HMCN1: variants seen among roughly 807,000 people sequenced by gnomAD.
HMCN1 encodes hemicentin 1, also known as hemicentin-1.
A neutral mutation model predicts 625.9 loss-of-function variants in HMCN1; 321 were observed. The ratio of observed to expected loss-of-function variants is 0.51; its 90% confidence interval spans 0.47 to 0.56. The LOEUF is 0.56. Among genes scored for constraint, HMCN1 ranks in the 20% least tolerant of loss-of-function variants. The pLI, the probability that HMCN1 is intolerant of heterozygous loss-of-function variation, is 0.00. For missense variants in HMCN1, 6,588 were observed against 6,887.3 expected (o/e 0.96, Z 1.54); for synonymous variants, 2,425 against 2,417.6 (o/e 1.00, Z -0.09).
chr1:185,737,599 C>T (rs892546770), intron 1 of HMCN1, among the ~76,000 whole-genome samples: 1 of 152,210 alleles, frequency 6.6e-6, no homozygotes, highest in Non-Finnish European at 1.5e-5. Context: ...CAGTTAATGA[C>T]TCTTTTACAT....
chr1:185,826,216 C>T (rs1227562794), intron 1 of HMCN1, among the ~76,000 whole-genome samples: 1 of 151,982 alleles, frequency 6.6e-6, no homozygotes, highest in African/African-American at 2.4e-5. Context: ...TGAGGATATT[C>T]GATTAAGACA....
rs759934341 is a variant in HMCN1 at position 186,187,888 on chromosome 1, G to A, written c.16420G>A (p.Asp5474Asn). 34 of 1,613,524 alleles carry A rather than the reference G, an allele frequency of 2.1e-5. No individual in the cohort carries two copies. Among genetic ancestry groups the A allele is most frequent in the African/African-American group, 2.7e-5 (2 of 74,842 alleles). Residue 5474 changes from aspartate (D) to asparagine (N), a missense_variant, in exon 106 of 107, where the codon GAT (aspartate) becomes AAT (asparagine). Coordinates refer to ENST00000271588, the MANE Select transcript of HMCN1 (RefSeq NM_031935.3). ...THNGKTCQDI[D>N]ECLEQNVHCG... ...GTTCCCTGTGCTGTCCCTAGATATC[G>A]ATGAATGTCTGGAGCAGAATGTGCA...
chr1:185,893,127 C>T (rs537252793), intron 4 of HMCN1, among the ~76,000 whole-genome samples: 2 of 152,390 alleles, frequency 1.3e-5, no homozygotes, highest in South Asian at 4.1e-4. Context: ...TCCCTGACCC[C>T]TTGCACTTCC....
Position 185,734,719 on chromosome 1 carries a change from G to A in HMCN1, c.-61G>A. 2.0e-6 allele frequency: 3 copies of A among 1,529,646 alleles called. No individual in the cohort carries two copies. The highest frequency in any genetic ancestry group is 2.7e-6 in the Non-Finnish European group (3 of 1,106,006). The allele number at this position is 1,529,646 out of a possible 1,614,324, so 94.8% of individuals were successfully genotyped here. On this transcript the variant is annotated 5_prime_UTR_variant, in exon 1 of 107. An upstream open reading frame in the 5' UTR loses its in-frame stop. Coordinates refer to ENST00000271588, the MANE Select transcript of HMCN1 (RefSeq NM_031935.3). ...GAGAGGAAACCCTCTGCCTGTTGTT[G>A]AGGAGGACTGAGCACAGTGCTTAGG...
chr1:185,838,769 C>T (rs938487592), intron 1 of HMCN1, among the ~76,000 whole-genome samples: 3 of 152,172 alleles, frequency 2.0e-5, no homozygotes, highest in African/African-American at 7.2e-5. Flanking sequence ...GTAAGACACA[C>T]CCAGATATTT....
At position 185,984,283 on chromosome 1, in the gene HMCN1, A is replaced by G; in HGVS notation, c.2905A>G (p.Asn969Asp). The G allele has an allele frequency of 6.2e-7, 1 of 1,614,102 alleles. No homozygotes were observed. Among genetic ancestry groups the G allele is most frequent in the Non-Finnish European group, 8.5e-7 (1 of 1,179,970 alleles). Residue 969 changes from asparagine to aspartate, a missense_variant, in exon 19 of 107, where the codon AAT (asparagine) becomes GAT (aspartate). By Grantham distance (23) the Asn-to-Asp change is conservative. Coordinates refer to ENST00000271588, the MANE Select transcript of HMCN1 (RefSeq NM_031935.3). ...TCVASNVAGT[N>D]NKTTSVVVHV... Reference sequence around the variant, plus strand: ...TGTGGCCAGTAACGTTGCTGGGACCAATAACAAAACTACCTCTGTGGTTGT... The same window carrying G: ...TGTGGCCAGTAACGTTGCTGGGACCGATAACAAAACTACCTCTGTGGTTGT...
intron 1 of HMCN1, among the ~76,000 whole-genome samples, chr1:185,750,490 G>A (rs1654728941): frequency 6.6e-6 from 1 of 152,102 alleles, no homozygotes; most frequent in South Asian, 2.1e-4. Context: ...TTAAGGCCAT[G>A]TTGTTAGGTA....
At chr1:186,073,743 C>T (rs537897062) in intron 52 of HMCN1, among the ~76,000 whole-genome samples, 1 of 150,016 alleles carries the variant, frequency 6.7e-6, no homozygotes, top group South Asian at 2.1e-4. Context: ...GACTGAGTGG[C>T]AGTGAAAATA....
intron 1 of HMCN1, among the ~76,000 whole-genome samples, chr1:185,781,662 G>A (rs903623191): frequency 6.6e-6 from 1 of 152,224 alleles, no homozygotes; most frequent in East Asian, 1.9e-4. Context: ...GCCATTTTGA[G>A]TGAGTTTCTT....
At chr1:185,780,251 A>G (rs1280842184) in intron 1 of HMCN1, among the ~76,000 whole-genome samples, 2 of 152,252 alleles carry the variant, frequency 1.3e-5, no homozygotes, top group East Asian at 3.8e-4. Context: ...TTTTGGGCTG[A>G]GATGATGGGG....
Position 186,157,583 on chromosome 1 carries a change from C to A in HMCN1, c.15256+3596C>A, listed in dbSNP as rs1014480321. On this transcript the variant is annotated intron_variant, in intron 97 of 106. Coordinates refer to ENST00000271588, the MANE Select transcript of HMCN1 (RefSeq NM_031935.3). ...CATGTGACATGCTGGTGCGCTGCACCCACTAACTCCCCCCACCCCAAAACA... is the reference window on the plus strand; with the variant it reads ...CATGTGACATGCTGGTGCGCTGCACACACTAACTCCCCCCACCCCAAAACA... Among the ~76,000 whole-genome samples the A allele has an allele frequency of 2.6e-5, 4 of 152,100 alleles. 1 individual carries two copies. The highest frequency in any genetic ancestry group is 6.6e-5 in the Admixed American group (1 of 15,260).
intron 1 of HMCN1, among the ~76,000 whole-genome samples, chr1:185,812,450 T>C (rs1315071720): frequency 6.6e-6 from 1 of 152,178 alleles, no homozygotes; most frequent in East Asian, 1.9e-4. Context: ...AAAAATTAAA[T>C]GGATTTCTTA....
At position 186,153,813 on chromosome 1, in the gene HMCN1, T is replaced by G; in HGVS notation, c.15082T>G (p.Phe5028Val). The G allele has an allele frequency of 6.2e-7, 1 of 1,614,166 alleles. No individual in the cohort carries two copies. The highest frequency in any genetic ancestry group is 8.5e-7 in the Non-Finnish European group (1 of 1,180,010). Reference protein sequence around the residue: ...GQLYAYSTRLFTIDGISIPYT... With the variant: ...GQLYAYSTRLVTIDGISIPYT... ...GCTGTACGCCTACTCAACCCGGCTG[T>G]TCACCATTGATGGCATCAGCATCCC... Residue 5028 changes from phenylalanine (F) to valine (V), a missense_variant, in exon 97 of 107, where the codon TTC becomes GTC. Physicochemically the swap from Phe to Val is conservative, Grantham distance 50 (BLOSUM62 -1). Around this residue, in one of 3 missense-constraint regions of HMCN1, gnomAD observed 1,954 missense variants for 2,013.1 expected, o/e 0.97. Coordinates refer to ENST00000271588, the MANE Select transcript of HMCN1 (RefSeq NM_031935.3).
chr1:185,923,502 A>G lies in HMCN1; in HGVS notation c.1134A>G (p.Lys378=), dbSNP rs772863513. ...GTTCTCTTAAGACTATTCCTGTTAAATATTACCCACATCGAAAACCTTATG... is the reference window on the plus strand; with the variant it reads ...GTTCTCTTAAGACTATTCCTGTTAAGTATTACCCACATCGAAAACCTTATG... ...SGSSLKTIPV[K]YYPHRKPYGI... is the part of the protein sequence containing the mutation. Residue 378 remains lysine, a synonymous_variant, in exon 8 of 107, where the codon AAA becomes AAG. Coordinates refer to ENST00000271588, the MANE Select transcript of HMCN1 (RefSeq NM_031935.3). 29 of 1,612,208 alleles carry G rather than the reference A, an allele frequency of 1.8e-5. No homozygotes were observed. Among genetic ancestry groups the G allele is most frequent in the Non-Finnish European group, 2.5e-5 (29 of 1,178,738 alleles).
At position 186,018,237 on chromosome 1, in the gene HMCN1, A is replaced by G; in HGVS notation, c.5355A>G (p.Leu1785=). The part of the protein sequence containing the change: ...IDERDGFKIL[L]NGRKLVIAQA... The stretch of plus-strand genomic sequence containing the variant: ...AAAGGGATGGATTCAAGATTTTATT[A>G]AATGGACGCAAACTGGTTATTGCTC... The change falls in exon 34 of 107, where the codon TTA becomes TTG. Residue 1785 remains leucine (L), a synonymous_variant. Coordinates refer to ENST00000271588, the MANE Select transcript of HMCN1 (RefSeq NM_031935.3). 1.9e-6 allele frequency: 3 copies of G among 1,612,860 alleles called. No homozygotes were observed. Among genetic ancestry groups the G allele is most frequent in the Non-Finnish European group, 2.5e-6 (3 of 1,179,034 alleles).
Position 185,982,160 on chromosome 1 carries a change from A to T in HMCN1, c.2663-102A>T, listed in dbSNP as rs796969572. On this transcript the variant is annotated intron_variant, in intron 17 of 106. Coordinates refer to ENST00000271588, the MANE Select transcript of HMCN1 (RefSeq NM_031935.3). ...TAAATATTTTGTTTCTGAAAACTCA[A>T]ACTTTTATAGCATAACTAACAGTCT... 45 of 1,191,110 alleles carry T rather than the reference A, an allele frequency of 3.8e-5. No homozygotes were observed. The African/African-American group carries it at 6.1e-4, about 16-fold the overall frequency. The allele number at this position is 1,191,110 out of a possible 1,614,324, so 73.8% of individuals were successfully genotyped here.
At chr1:185,881,523 G>GC (rs1664311582) in intron 4 of HMCN1, among the ~76,000 whole-genome samples, 1 of 152,166 alleles carries the variant, frequency 6.6e-6, no homozygotes, top group African/African-American at 2.4e-5. Flanking sequence ...GTAGGGTGGA[G>GC]CCATGGGTGG....
Position 186,078,217 on chromosome 1 carries a change from C to G in HMCN1, c.8596C>G (p.Leu2866Val), listed in dbSNP as rs1352850797. The G allele has an allele frequency of 6.3e-7, 1 of 1,599,430 alleles. No individual in the cohort carries two copies. Among genetic ancestry groups the G allele is most frequent in the African/African-American group, 1.3e-5 (1 of 74,570 alleles). The change falls in exon 55 of 107, where the codon CTC becomes GTC. Residue 2866 changes from leucine (L) to valine (V), a missense_variant. By Grantham distance (32) the Leu-to-Val change is conservative. Coordinates refer to ENST00000271588, the MANE Select transcript of HMCN1 (RefSeq NM_031935.3). ...TTCCCTTCAATATGATGTCCGTGTA[C>G]TCGGTGAGTTTTTCTTTTGTTTATT... ...EDSLQYDVRV[L>V]VPPIIKGANS...
chr1:186,117,318 A>G (rs1661180634), intron 76 of HMCN1, 141 bp from the exon 77 acceptor site: 2 of 1,183,390 alleles, frequency 1.7e-6, no homozygotes, highest in Admixed American at 4.0e-5. Flanking sequence ...GTATTAACCC[A>G]GAAATAAAAG....
Sources: allele counts gnomAD v4.1 joint callset (sites outside exome capture counted in the v4.1 genomes callset), GRCh38; gene constraint gnomAD v4.1.1; regional missense constraint gnomAD v4.1.1; transcripts MANE v1.5; gene names NCBI Gene and HGNC (gene_info 2026-07-23, HGNC 2026-07-21).